The following DYTN variants were observed in gnomAD, a reference collection of about 807,000 sequenced individuals.
DYTN encodes dystrotelin.
DYTN carries 75 observed loss-of-function variants against 69.6 expected under a neutral mutation model. That is an observed-to-expected ratio of 1.08 (90% confidence interval 0.89 to 1.31). DYTN has a LOEUF of 1.31. Among genes scored for constraint, DYTN ranks in the 50% most tolerant of loss-of-function variants. The pLI is 0.00. For missense variants in DYTN, 726 were observed against 688.4 expected (o/e 1.05, Z -0.61); for synonymous variants, 252 against 249.1 (o/e 1.01, Z -0.11).
At chr2:206,675,267 A>G (rs1386619816) in intron 9 of DYTN, among the ~76,000 whole-genome samples, 1 of 139,980 alleles carries the variant, frequency 7.1e-6, no homozygotes, top group Non-Finnish European at 1.5e-5. Flanking sequence ...ATGTGTATAT[A>G]TGTATGTATG....
chr2:206,672,500 C>T (rs1013936557), intron 9 of DYTN, among the ~76,000 whole-genome samples: 8 of 152,184 alleles, frequency 5.3e-5, no homozygotes, highest in Admixed American at 4.6e-4. Context: ...TAGCATGATG[C>T]CTGTGTCTTG....
At chr2:206,700,749 C>T (rs1031205844) in intron 5 of DYTN, among the ~76,000 whole-genome samples, 1 of 152,102 alleles carries the variant, frequency 6.6e-6, no homozygotes, top group African/African-American at 2.4e-5. Context: ...TGTCCTAATG[C>T]TCTCCCTTCC....
At chr2:206,677,253 C>T (rs1178870594) in intron 9 of DYTN, among the ~76,000 whole-genome samples, 1 of 152,050 alleles carries the variant, frequency 6.6e-6, no homozygotes, top group Non-Finnish European at 1.5e-5. Context: ...CAAGCATGTA[C>T]AGCTTTTGCA....
chr2:206,668,345 G>A lies in DYTN; in HGVS notation c.981-2316C>T, dbSNP rs1241031428. ...TCCAGGTGAAAGAAGGTAGGACTCT[G>A]TCAGAAATCCAGTTCTTTTCTTCTT... On this transcript the variant is annotated intron_variant, in intron 9 of 11. Transcript: ENST00000452335. 3.3e-5 allele frequency among the ~76,000 whole-genome samples: 5 copies of A among 152,188 alleles called. No homozygotes were observed. In the East Asian group the frequency reaches 9.6e-4, roughly 29 times the overall value.
intron 1 of DYTN, among the ~76,000 whole-genome samples, chr2:206,713,441 G>A (rs1257389742): frequency 1.3e-5 from 2 of 152,158 alleles, no homozygotes; most frequent in Admixed American, 6.5e-5. Flanking sequence ...TAGAGAGAGG[G>A]AGGAAAATGC....
At chr2:206,685,253 C>T (rs1043428231) in intron 9 of DYTN, among the ~76,000 whole-genome samples, 11 of 152,066 alleles carry the variant, frequency 7.2e-5, no homozygotes, top group African/African-American at 2.7e-4. Context: ...CCTCGACCTA[C>T]CAGGCTCAAG....
At chr2:206,700,103 C>T (rs201291739) in intron 6 of DYTN, 42 bp downstream of exon 6, 273 of 1,611,198 alleles carry the variant, frequency 1.7e-4, no homozygotes, top group Non-Finnish European at 2.2e-4. Flanking sequence ...CCCAATACAC[C>T]GTGTCTGTCC....
chr2:206,711,907 G>A (rs768566067), intron 1 of DYTN, among the ~76,000 whole-genome samples: 13 of 152,000 alleles, frequency 8.6e-5, no homozygotes, highest in African/African-American at 1.5e-4. Flanking sequence ...ACGTTACAAC[G>A]GAGCTTTCTG....
chr2:206,695,523 C>T (rs1699910467), intron 7 of DYTN, among the ~76,000 whole-genome samples: 1 of 152,166 alleles, frequency 6.6e-6, no homozygotes, highest in Admixed American at 6.5e-5. Context: ...TGAGAAATGA[C>T]AGCCTTAAAT....
intron 9 of DYTN, among the ~76,000 whole-genome samples, chr2:206,690,245 TCCCC>T (rs1289657962): frequency 2.0e-5 from 3 of 151,918 alleles, no homozygotes; most frequent in African/African-American, 7.3e-5. Flanking sequence ...GGGTTGCCAG[TCCCC>T]CGAGGTGGCA....
At chr2:206,696,036 C>T (rs1672659505) in intron 7 of DYTN, among the ~76,000 whole-genome samples, 1 of 152,098 alleles carries the variant, frequency 6.6e-6, no homozygotes, top group Non-Finnish European at 1.5e-5. Flanking sequence ...TAATAACTTC[C>T]AGAATTAGGT....
intron 9 of DYTN, among the ~76,000 whole-genome samples, chr2:206,688,659 T>A (rs1299163936): frequency 6.6e-6 from 1 of 152,210 alleles, no homozygotes; most frequent in Non-Finnish European, 1.5e-5. Flanking sequence ...TAGGCAAATT[T>A]GTAAGTATTG....
intron 9 of DYTN, among the ~76,000 whole-genome samples, chr2:206,683,054 G>GT (rs1171099570): frequency 2.0e-5 from 3 of 152,146 alleles, no homozygotes; most frequent in Non-Finnish European, 4.4e-5. Context: ...AGGAAAAAAA[G>GT]TAAAGCTAGA....
In DYTN at chr2:206,705,103, T is replaced by C. The variant is rs139945415; in HGVS notation, c.383-160A>G. On this transcript the variant is annotated intron_variant, in intron 4 of 11. Transcript: ENST00000452335. ...TAGCTATTATGAAGGCCTCCAAAAC[T>C]ATTTTGTTTTTAAATGAGGTTTTGT... 568 of 631,238 alleles carry C rather than the reference T, an allele frequency of 9.0e-4. 4 individuals are homozygous for C. The African/African-American group carries it at 9.6e-3, about 11-fold the overall frequency. 39.1% of individuals were successfully genotyped at this position (631,238 alleles called of 1,614,324 possible). A position where few individuals can be genotyped will look rare whatever the true frequency, so the allele number is the denominator to read the frequency against.
chr2:206,659,560 C>T (rs1211339239), intron 11 of DYTN, among the ~76,000 whole-genome samples: 1 of 149,892 alleles, frequency 6.7e-6, no homozygotes, highest in Non-Finnish European at 1.5e-5. Flanking sequence ...CTGATGCATC[C>T]ATGATAGAGA....
intron 9 of DYTN, among the ~76,000 whole-genome samples, chr2:206,687,650 T>G (rs960837603): frequency 6.6e-6 from 1 of 152,154 alleles, no homozygotes; most frequent in African/African-American, 2.4e-5. Context: ...TTTTTACATT[T>G]AAATTTCAAT....
At position 206,705,033 on chromosome 2, in the gene DYTN, C is replaced by T; in HGVS notation, c.383-90G>A. On this transcript the variant is annotated intron_variant, in intron 4 of 11. Coordinates refer to ENST00000452335, the MANE Select transcript of DYTN (RefSeq NM_001093730.1). Reference sequence around the variant, plus strand: ...CTTTGAAGTAACAGTCTCTTTGTGGCTATGAAAGGAAAGAGAAGGGAAAGT... The same window carrying T: ...CTTTGAAGTAACAGTCTCTTTGTGGTTATGAAAGGAAAGAGAAGGGAAAGT... The T allele has an allele frequency of 2.8e-6, 3 of 1,055,686 alleles. No homozygotes were observed. In the Admixed American group the frequency reaches 6.5e-5, roughly 23 times the overall value. 65.4% of individuals were successfully genotyped at this position (1,055,686 alleles called of 1,614,324 possible).
At chr2:206,657,032 G>A (rs1699458551) in intron 11 of DYTN, among the ~76,000 whole-genome samples, 1 of 152,168 alleles carries the variant, frequency 6.6e-6, no homozygotes, top group Middle Eastern at 3.4e-3. Context: ...AAAGTGCTGG[G>A]ATTATAGTCG....
intron 1 of DYTN, among the ~76,000 whole-genome samples, chr2:206,714,820 A>G (rs1003055824): frequency 1.3e-5 from 2 of 152,210 alleles, no homozygotes; most frequent in South Asian, 2.1e-4. Context: ...GAGCATCACA[A>G]GTGGTGGTCA....
Sources: gnomAD v4.1 joint callset for allele counts (sites outside exome capture counted in the v4.1 genomes callset) on GRCh38, gnomAD v4.1.1 for gene constraint, MANE v1.5 for transcripts, NCBI Gene and HGNC (gene_info 2026-07-23, HGNC 2026-07-21) for gene names.